PPHLN1: variants seen among roughly 807,000 people sequenced by gnomAD.
PPHLN1 encodes periphilin-1.
PPHLN1 carries 29 observed loss-of-function variants against 51.3 expected under a neutral mutation model. The ratio of observed to expected loss-of-function variants is 0.57; its 90% CI spans 0.42 to 0.77. The LOEUF (loss-of-function observed/expected upper bound fraction) is 0.77. Among genes scored for constraint, PPHLN1 ranks in the 30% least tolerant of loss-of-function variants. The pLI is 0.00. For synonymous variants in PPHLN1, 147 were observed against 147.8 expected (o/e 0.99, Z 0.04); for missense variants, 436 against 438.4 (o/e 0.99, Z 0.05).
chr12:42,365,021 ATG>A (rs1327122497), intron 4 of PPHLN1, among the ~76,000 whole-genome samples: 2 of 152,160 alleles, frequency 1.3e-5, no homozygotes, highest in African/African-American at 4.8e-5. Flanking sequence ...AACTGTAAAC[ATG>A]TGATTTTGTG....
intron 9 of PPHLN1, among the ~76,000 whole-genome samples, chr12:42,410,470 T>C (rs1463905931): frequency 6.6e-6 from 1 of 152,208 alleles, no homozygotes; most frequent in Non-Finnish European, 1.5e-5. Context: ...GCCTACCTTA[T>C]TAACAGGCTG....
In PPHLN1 at chr12:42,328,952, G is replaced by T. The variant is rs925214838; in HGVS notation, c.-21+2723G>T. Among the ~76,000 whole-genome samples the T allele has an allele frequency of 2.0e-5, 3 of 152,094 alleles. No individual in the cohort carries two copies. The South Asian group carries it at 6.2e-4, about 32-fold the overall frequency. ...TGATCTTGAACTCTCAACCTCAAAT[G>T]ATCCGCCAGGCTCAGCCTCCCAAAA... On this transcript the variant is annotated intron_variant, in intron 1 of 9. Coordinates refer to ENST00000358314, the MANE Select transcript of PPHLN1 (RefSeq NM_201439.2).
chr12:42,332,810 A>T, intron 1 of PPHLN1: 1 of 562,594 alleles, frequency 1.8e-6, no homozygotes, highest in Non-Finnish European at 2.9e-6. Context: ...TTTCTTTAGA[A>T]CTCTTATTGT....
chr12:42,420,722 TC>T (rs1382596820), intron 9 of PPHLN1, among the ~76,000 whole-genome samples: 1 of 132,096 alleles, frequency 7.6e-6, no homozygotes, highest in Non-Finnish European at 1.6e-5. Flanking sequence ...TCTCTCTCTC[TC>T]ATTTTGCTAA....
At chr12:42,330,582 A>G (rs2069561424) in intron 1 of PPHLN1, among the ~76,000 whole-genome samples, 1 of 152,234 alleles carries the variant, frequency 6.6e-6, no homozygotes, top group African/African-American at 2.4e-5. Context: ...CATCCTGCAC[A>G]GCCCTAGATC....
chr12:42,376,158 T>C (rs886637933), intron 5 of PPHLN1, among the ~76,000 whole-genome samples: 12 of 152,254 alleles, frequency 7.9e-5, no homozygotes, highest in African/African-American at 2.7e-4. Flanking sequence ...TAAAGAATTG[T>C]CTTCTAGTTA....
At chr12:42,399,574 G>A (rs973127488) in intron 9 of PPHLN1, 1 of 279,952 alleles carries the variant, frequency 3.6e-6, no homozygotes, top group African/African-American at 2.3e-5. Context: ...TATTGATGTT[G>A]TTACTCTCTA....
intron 9 of PPHLN1, among the ~76,000 whole-genome samples, chr12:42,440,078 T>C (rs976223565): frequency 6.0e-5 from 9 of 149,852 alleles, no homozygotes; most frequent in Non-Finnish European, 1.2e-4. Flanking sequence ...CTTATTTATA[T>C]GTTACTTATA....
At chr12:42,399,722 A>G (rs2078616954) in intron 9 of PPHLN1, 1 of 152,324 alleles carries the variant, frequency 6.6e-6, no homozygotes, top group African/African-American at 2.4e-5. Context: ...TGGATAGGGA[A>G]TGGTCTCAAA....
At chr12:42,446,703 T>C, downstream of PPHLN1, 1 of 1,520,274 alleles carries the variant, frequency 6.6e-7, no homozygotes, top group Non-Finnish European at 8.9e-7. Flanking sequence ...AAAGGGGTGA[T>C]GTAGGAGATG....
chr12:42,415,264 C>T (rs1225987761), intron 9 of PPHLN1, among the ~76,000 whole-genome samples: 8 of 152,158 alleles, frequency 5.3e-5, no homozygotes, highest in Non-Finnish European at 7.4e-5. Context: ...CTCTGCCTCC[C>T]GGGTTCAAGC....
intron 1 of PPHLN1, among the ~76,000 whole-genome samples, chr12:42,326,701 T>G (rs1203153760): frequency 6.6e-6 from 1 of 152,150 alleles, no homozygotes; most frequent in African/African-American, 2.4e-5. Flanking sequence ...TATGGACAAG[T>G]GTTGATCTTC....
chr12:42,378,395 A>C (rs956793189), intron 5 of PPHLN1, among the ~76,000 whole-genome samples: 2 of 152,108 alleles, frequency 1.3e-5, no homozygotes, highest in African/African-American at 4.8e-5. Context: ...TTTTGCTTTA[A>C]ATGTCACAAA....
At chr12:42,446,946 A>C, downstream of PPHLN1, 1 of 274,740 alleles carries the variant, frequency 3.6e-6, no homozygotes, top group Non-Finnish European at 6.9e-6. Context: ...GGGGGGCGAC[A>C]ATGTTCATTA....
chr12:42,403,928 G>A (rs2079056776), intron 9 of PPHLN1, among the ~76,000 whole-genome samples: 1 of 151,898 alleles, frequency 6.6e-6, no homozygotes, highest in Non-Finnish European at 1.5e-5. Flanking sequence ...GTTTTCTTAG[G>A]TCAACAATTT....
intron 9 of PPHLN1, among the ~76,000 whole-genome samples, chr12:42,424,776 A>G (rs2081281692): frequency 6.6e-6 from 1 of 152,210 alleles, no homozygotes; most frequent in African/African-American, 2.4e-5. Flanking sequence ...ATACTGCATG[A>G]GCAAAGACTT....
chr12:42,355,749 TAAAA>T (rs5797790), intron 4 of PPHLN1: 6 of 109,844 alleles, frequency 5.5e-5, no homozygotes, highest in East Asian at 2.7e-4. Flanking sequence ...AGACTCCGTC[TAAAA>T]AAAAAAAAAA....
chr12:42,397,240 G>A (rs2078322048), intron 8 of PPHLN1, among the ~76,000 whole-genome samples: 1 of 152,070 alleles, frequency 6.6e-6, no homozygotes, highest in African/African-American at 2.4e-5. Flanking sequence ...CACTAGTGTT[G>A]GAGATAATAC....
chr12:42,431,836 C>T (rs1471424929), intron 9 of PPHLN1: 9 of 1,468,764 alleles, frequency 6.1e-6, no homozygotes, highest in Non-Finnish European at 8.6e-6. Flanking sequence ...ACATATTTTG[C>T]CTAGCCCATT....
Sources: allele counts gnomAD v4.1 joint callset (sites outside exome capture counted in the v4.1 genomes callset), GRCh38; gene constraint gnomAD v4.1.1; transcripts MANE v1.5; gene names NCBI Gene and HGNC (gene_info 2026-07-23, HGNC 2026-07-21).